The following RCOR1 variants were observed in gnomAD, a reference collection of about 807,000 sequenced individuals.
The protein encoded by RCOR1 is REST corepressor.
In RCOR1, 12 loss-of-function variants were observed where a neutral mutation model predicts 64.0. That is an observed-to-expected ratio of 0.19 (90% CI 0.12 to 0.30). The LOEUF is 0.30. RCOR1 is among the 10% of genes least tolerant of loss of function. The pLI is 1.00. For synonymous variants in RCOR1, 279 were observed against 227.2 expected (o/e 1.23, Z -2.05); for missense variants, 502 against 621.2 (o/e 0.81, Z 2.04).
Position 102,707,375 on chromosome 14 carries a change from A to C in RCOR1, c.523A>C (p.Lys175Gln). The C allele has an allele frequency of 6.2e-7, 1 of 1,610,840 alleles. No homozygotes were observed. Among genetic ancestry groups the C allele is most frequent in the Non-Finnish European group, 8.5e-7 (1 of 1,179,002 alleles). ...EQALGMLFWHKHNIEKSLADL... is the reference protein window; with the variant it reads ...EQALGMLFWHQHNIEKSLADL... The stretch of plus-strand genomic sequence containing the variant: ...GGCTCTTGGGATGCTCTTCTGGCAT[A>C]AACATAATATCGAAAAGTCATTGGC... Residue 175 changes from lysine to glutamine, a missense_variant, in exon 5 of 12, where the codon AAA becomes CAA. Coordinates refer to ENST00000262241, the MANE Select transcript of RCOR1 (RefSeq NM_015156.4).
In RCOR1 at chr14:102,730,281, G is replaced by A. The variant is rs1206395960; in HGVS notation, c.*3775G>A. On this transcript the variant is annotated 3_prime_UTR_variant, in exon 12 of 12. Coordinates refer to ENST00000262241, the MANE Select transcript of RCOR1 (RefSeq NM_015156.4). ...AGTTTGCAAATATAATGGAAATGCT[G>A]TATATCTTTTGAAGTGATGAAATCC... is the stretch of plus-strand genomic sequence containing the variant. The A allele has an allele frequency of 3.0e-6, 1 of 335,862 alleles. No homozygotes were observed. The highest frequency in any genetic ancestry group is 5.3e-6 in the Non-Finnish European group (1 of 187,082). The allele number at this position is 335,862 out of a possible 1,614,324, so 20.8% of individuals were successfully genotyped here.
At chr14:102,643,683 C>CT (rs1595209624) in intron 2 of RCOR1, among the ~76,000 whole-genome samples, 1 of 152,190 alleles carries the variant, frequency 6.6e-6, no homozygotes, top group African/African-American at 2.4e-5. Context: ...AGGAATTAGA[C>CT]TTTCCCTAGC....
chr14:102,638,895 T>C (rs569397848), intron 2 of RCOR1, among the ~76,000 whole-genome samples: 103 of 152,348 alleles, frequency 6.8e-4, no homozygotes, highest in African/African-American at 2.2e-3. Context: ...ACTCCTGATG[T>C]CAGGTGCTCC....
intron 2 of RCOR1, chr14:102,657,446 A>C: frequency 2.6e-5 from 26 of 984,658 alleles, no homozygotes; most frequent in Non-Finnish European, 2.9e-5. Flanking sequence ...AGACTAATAT[A>C]ACACAGAAGT....
chr14:102,725,016 G>A (rs1896233035), intron 11 of RCOR1, among the ~76,000 whole-genome samples: 1 of 152,180 alleles, frequency 6.6e-6, no homozygotes, highest in Non-Finnish European at 1.5e-5. Flanking sequence ...ATTTCCTTCA[G>A]GGCTTAGAGG....
rs564947276 is a variant in RCOR1, at chr14:102,596,607, C to G, written c.361+3282C>G. On this transcript the variant is annotated intron_variant, in intron 2 of 11. Coordinates refer to ENST00000262241, the MANE Select transcript of RCOR1 (RefSeq NM_015156.4). ...TGAGACCAAGTCTCACTCTGTTGCC[C>G]AGGCTGGAGTGCAGTGGCACGATCT... Among the ~76,000 whole-genome samples, 7 of 152,126 alleles carry G rather than the reference C, an allele frequency of 4.6e-5. No homozygotes were observed. The East Asian group carries it at 1.2e-3, about 25-fold the overall frequency.
chr14:102,693,578 A>T (rs944116636), intron 3 of RCOR1, among the ~76,000 whole-genome samples: 1 of 151,310 alleles, frequency 6.6e-6, no homozygotes, highest in Non-Finnish European at 1.5e-5. Flanking sequence ...ACTCCCTCTC[A>T]CAGGCAGGAG....
chr14:102,623,375 CTTTATTTATTTATTA>C (rs1331921958), intron 2 of RCOR1, among the ~76,000 whole-genome samples: 112 of 137,968 alleles, frequency 8.1e-4, no homozygotes, highest in South Asian at 1.7e-3. Context: ...AATTTACTTC[CTTTATTTATTTATTA>C]TTTATTTATT....
chr14:102,690,189 G>A (rs991167450), intron 3 of RCOR1, among the ~76,000 whole-genome samples: 10 of 152,214 alleles, frequency 6.6e-5, no homozygotes, highest in Non-Finnish European at 1.0e-4. Flanking sequence ...AATAAGAGCC[G>A]TACCTATGAC....
At chr14:102,630,507 A>T (rs928676081) in intron 2 of RCOR1, among the ~76,000 whole-genome samples, 2 of 152,218 alleles carry the variant, frequency 1.3e-5, no homozygotes, top group Non-Finnish European at 2.9e-5. Context: ...CATGTACTCC[A>T]TTCAAAGCAA....
chr14:102,653,998 T>TCTTTGTTTCTTTCTTTC (rs1595214214), intron 2 of RCOR1, among the ~76,000 whole-genome samples: 2 of 126,606 alleles, frequency 1.6e-5, no homozygotes, highest in African/African-American at 6.6e-5. Flanking sequence ...TTTTTTTTTT[T>TCTTTGTTTCTTTCTTTC]TTTTTGAGAC....
At chr14:102,608,153 C>T (rs186311026) in intron 2 of RCOR1, among the ~76,000 whole-genome samples, 223 of 152,162 alleles carry the variant, frequency 1.5e-3, no homozygotes, top group African/African-American at 5.2e-3. Flanking sequence ...TGTCTAGTTC[C>T]GAAACATTTT....
Position 102,729,785 on chromosome 14 carries a change from G to T in RCOR1, c.*3279G>T, listed in dbSNP as rs140924102. 2.5e-6 allele frequency: 1 copy of T among 398,884 alleles called. No homozygotes were observed. Among genetic ancestry groups the T allele is most frequent in the African/African-American group, 2.1e-5 (1 of 48,620 alleles). 24.7% of individuals were successfully genotyped at this position (398,884 alleles called of 1,614,324 possible). ...TTGCACACCAAAAATAAGCCAAACA[G>T]TGCATTACGCTAACTGGATCCCTGC... On this transcript the variant is annotated 3_prime_UTR_variant, in exon 12 of 12. Coordinates refer to ENST00000262241, the MANE Select transcript of RCOR1 (RefSeq NM_015156.4).
At chr14:102,679,266 C>T (rs1296229833) in intron 2 of RCOR1, among the ~76,000 whole-genome samples, 1 of 152,050 alleles carries the variant, frequency 6.6e-6, no homozygotes, top group African/African-American at 2.4e-5. Context: ...TTAGTTCTGT[C>T]ATCTGTTTTG....
At chr14:102,657,535 C>T (rs1894750972) in intron 2 of RCOR1, 3 of 983,594 alleles carry the variant, frequency 3.1e-6, no homozygotes, top group Non-Finnish European at 3.6e-6. Flanking sequence ...CATGTTTACT[C>T]TCAAGATCTG....
chr14:102,657,130 A>G, intron 2 of RCOR1: 1 of 972,590 alleles, frequency 1.0e-6, no homozygotes, highest in Non-Finnish European at 1.2e-6. Context: ...ATTTAGGTTG[A>G]CTATGTAAAC....
chr14:102,691,956 A>C (rs1489558404), intron 3 of RCOR1, among the ~76,000 whole-genome samples: 1 of 152,162 alleles, frequency 6.6e-6, no homozygotes, highest in Non-Finnish European at 1.5e-5. Context: ...ATCAGTGCCA[A>C]ATTATTTTCA....
intron 4 of RCOR1, among the ~76,000 whole-genome samples, chr14:102,706,490 T>C (rs563860234): frequency 1.2e-4 from 19 of 152,198 alleles, no homozygotes; most frequent in African/African-American, 4.3e-4. Flanking sequence ...TCACTGTTGG[T>C]GGGAATGTAA....
chr14:102,669,604 C>T (rs1440542511), intron 2 of RCOR1, among the ~76,000 whole-genome samples: 2 of 152,160 alleles, frequency 1.3e-5, no homozygotes, highest in African/African-American at 4.8e-5. Flanking sequence ...TTCGACTCAG[C>T]TTCACTGCTC....
Sources: allele counts gnomAD v4.1 joint callset (sites outside exome capture counted in the v4.1 genomes callset), GRCh38; gene constraint gnomAD v4.1.1; transcripts MANE v1.5; gene names NCBI Gene and HGNC (gene_info 2026-07-23, HGNC 2026-07-21).